Variants in KCNQ1 observed in about 807,000 individuals in gnomAD.
KCNQ1 encodes the protein potassium voltage-gated channel subfamily KQT member 1.
In KCNQ1, 49 loss-of-function variants were observed where a neutral mutation model predicts 72.4. The ratio of observed to expected loss-of-function variants is 0.68; its 90% CI spans 0.54 to 0.86. The LOEUF is 0.86. Among genes scored for constraint, KCNQ1 ranks in the 40% least tolerant of loss-of-function variants. The pLI is 0.00. For synonymous variants in KCNQ1, 450 were observed against 412.6 expected, an observed-to-expected ratio of 1.09 and a Z score of -1.10; for missense variants, 790 against 945.1, an observed-to-expected ratio of 0.84 and a Z score of 2.15.
At chr11:2,757,763 C>G (rs1271984285) in intron 11 of KCNQ1, among the ~76,000 whole-genome samples, 3 of 152,246 alleles carry the variant, frequency 2.0e-5, no homozygotes, top group South Asian at 4.1e-4. Context: ...CACACGCAAA[C>G]ATGCCTGACT....
chr11:2,614,523 T>C, intron 10 of KCNQ1: 1 of 398,516 alleles, frequency 2.5e-6, no homozygotes, highest in East Asian at 3.6e-5. Flanking sequence ...ACTCTTATTT[T>C]TTGGTCTCTG....
At chr11:2,709,446 G>A (rs112220213) in intron 11 of KCNQ1, among the ~76,000 whole-genome samples, 2,182 of 151,406 alleles carry the variant, frequency 0.014, 20 homozygotes, top group Middle Eastern at 0.031. Flanking sequence ...TGTATTTTTT[G>A]GTGTTCATTT....
intron 14 of KCNQ1, among the ~76,000 whole-genome samples, chr11:2,777,365 T>G (rs163147): frequency 0.17 from 25,651 of 150,686 alleles, 2,509 homozygotes; most frequent in Non-Finnish European, 0.22. Flanking sequence ...TTGGGTGGGG[T>G]GAGCTGCCAG....
At chr11:2,680,932 T>TA (rs1223943337) in intron 11 of KCNQ1, 2 of 398,518 alleles carry the variant, frequency 5.0e-6, no homozygotes, top group African/African-American at 4.1e-5. Flanking sequence ...TTTGTATTTT[T>TA]AAAGCTGATG....
At chr11:2,802,590 C>T (rs573802400) in intron 15 of KCNQ1, among the ~76,000 whole-genome samples, 1 of 152,170 alleles carries the variant, frequency 6.6e-6, no homozygotes, top group Admixed American at 6.5e-5. Context: ...CAGCCTAGTG[C>T]CTCCTGGGTC....
chr11:2,618,115 A>G (rs1389692635), intron 10 of KCNQ1: 1 of 398,374 alleles, frequency 2.5e-6, no homozygotes, highest in African/African-American at 2.1e-5. Context: ...AGCCATGTCG[A>G]GCTTTTCCCC....
Position 2,536,991 on chromosome 11 carries a change from C to A in KCNQ1, c.477+8973C>A, listed in dbSNP as rs1847743097. Among the ~76,000 whole-genome samples the A allele has an allele frequency of 6.6e-6, 1 of 151,986 alleles. No homozygotes were observed. Among genetic ancestry groups the A allele is most frequent in the South Asian group, 2.1e-4 (1 of 4,820 alleles). On this transcript the variant is annotated intron_variant, in intron 2 of 15. Coordinates refer to ENST00000155840, the MANE Select transcript of KCNQ1 (RefSeq NM_000218.3). The surrounding 1 kb of genome is among the most constrained non-coding windows in gnomAD (Gnocchi z 7.4). ...GTGTGAGTCTGGAGCCAAATTTCTC[C>A]TCTATGTAAGGACACCAGTCTTACT...
rs1005994118 is a variant in KCNQ1 at position 2,658,125 on chromosome 11, A to G, written c.1394-3836A>G. On this transcript the variant is annotated intron_variant, in intron 10 of 15. Transcript: ENST00000155840. This position sits in a 1 kb window ranked among gnomAD's most constrained non-coding sequence, Gnocchi z 4.9. The stretch of plus-strand genomic sequence containing the variant: ...AGGAGAGTATCAAAAAAAATCTGCA[A>G]ATATGTTAAAACTACCACAGCAATT... The G allele has an allele frequency of 2.5e-6, 1 of 398,492 alleles. No homozygotes were observed. The highest frequency in any genetic ancestry group is 2.1e-5 in the African/African-American group (1 of 48,628). 24.7% of individuals were successfully genotyped at this position (398,492 alleles called of 1,614,324 possible). A position where few individuals can be genotyped will look rare whatever the true frequency, so the allele number is the denominator to read the frequency against.
rs1470941395 is a variant in KCNQ1, at chr11:2,621,338, T to C, written c.1393+32484T>C. The C allele has an allele frequency of 1.0e-5, 4 of 398,644 alleles. No homozygotes were observed. The East Asian group carries it at 1.4e-4, about 14-fold the overall frequency. 24.7% of individuals were successfully genotyped at this position (398,644 alleles called of 1,614,324 possible). A position where few individuals can be genotyped will look rare whatever the true frequency, so the allele number is the denominator to read the frequency against. ...GAATGTTTTTTTGTTTGGCTACTTC[T>C]GTATTTTCTTTTAAGAAATGTATGT... On this transcript the variant is annotated intron_variant, in intron 10 of 15. Transcript: ENST00000155840. The surrounding 1 kb of genome is among the most constrained non-coding windows in gnomAD (Gnocchi z 5.7).
Position 2,621,904 on chromosome 11 carries a change from T to C in KCNQ1, c.1393+33050T>C, listed in dbSNP as rs1182215771. ...TGTTCTGATCTTTATTATTTCCTTC[T>C]GTTAACTTTGGCTTTAGTTTGTTCT... On this transcript the variant is annotated intron_variant, in intron 10 of 15. Transcript: ENST00000155840. This position sits in a 1 kb window ranked among gnomAD's most constrained non-coding sequence, Gnocchi z 5.7. 3.0e-5 allele frequency: 12 copies of C among 398,284 alleles called. No homozygotes were observed. Among genetic ancestry groups the C allele is most frequent in the African/African-American group, 4.1e-5 (2 of 48,626 alleles). 24.7% of individuals were successfully genotyped at this position (398,284 alleles called of 1,614,324 possible). A position where few individuals can be genotyped will look rare whatever the true frequency, so the allele number is the denominator to read the frequency against.
Position 2,646,437 on chromosome 11 carries a change from C to CT in KCNQ1, c.1394-15516dup, listed in dbSNP as rs1031412494. On this transcript the variant is annotated intron_variant, in intron 10 of 15. Coordinates refer to ENST00000155840, the MANE Select transcript of KCNQ1 (RefSeq NM_000218.3). ...CTTTCACCTCCTTGGTTAAGCTTTGCTTTTTTTTGTAGCTATTGCAAATGG... is the reference window on the plus strand; with the variant it reads ...CTTTCACCTCCTTGGTTAAGCTTTGCTTTTTTTTTGTAGCTATTGCAAATGG... The CT allele has an allele frequency of 1.1e-3, 429 of 398,306 alleles. 2 individuals carry two copies. The highest frequency in any genetic ancestry group is 1.7e-3 in the Non-Finnish European group (377 of 225,992). The allele number at this position is 398,306 out of a possible 1,614,324, so 24.7% of individuals were successfully genotyped here.
At chr11:2,700,294 C>T (rs1445125425) in intron 11 of KCNQ1, among the ~76,000 whole-genome samples, 1 of 152,258 alleles carries the variant, frequency 6.6e-6, no homozygotes, top group African/African-American at 2.4e-5. Context: ...CCACCGGGGG[C>T]CGGGGCCAGC....
rs767929610 is a variant in KCNQ1 at position 2,598,609 on chromosome 11, TA to T, written c.1393+9767del. 0.032 allele frequency among the ~76,000 whole-genome samples: 4,604 copies of T among 143,252 alleles called. 261 individuals carry two copies. The highest frequency in any genetic ancestry group is 0.11 in the African/African-American group (4,173 of 38,672). 94.0% of individuals were successfully genotyped at this position (143,252 alleles called of 152,430 possible). A position where few individuals can be genotyped will look rare whatever the true frequency, so the allele number is the denominator to read the frequency against. ...CATTTAGGTCTGCTCTGCCCTTAGT[TA>T]AAAAAAAAAAACCCTAATACATCTG... is the stretch of plus-strand genomic sequence containing the variant. On this transcript the variant is annotated intron_variant, in intron 10 of 15. Transcript: ENST00000155840. This position sits in a 1 kb window ranked among gnomAD's most constrained non-coding sequence, Gnocchi z 6.2.
In KCNQ1 at chr11:2,526,711, A is replaced by C. The variant is rs147097228; in HGVS notation, c.387-1217A>C. On this transcript the variant is annotated intron_variant, in intron 1 of 15. Coordinates refer to ENST00000155840, the MANE Select transcript of KCNQ1 (RefSeq NM_000218.3). This position sits in a 1 kb window ranked among gnomAD's most constrained non-coding sequence, Gnocchi z 6.1. ...GGGCTGTCCACATCTGGACAGGTGG[A>C]AGAGGATGGGTTCTGGGTGGGGCTG... 3.7e-3 allele frequency among the ~76,000 whole-genome samples: 564 copies of C among 151,810 alleles called. 7 individuals are homozygous for C. The Middle Eastern group carries it at 0.041, about 11-fold the overall frequency.
At position 2,674,814 on chromosome 11, in the gene KCNQ1, A is replaced by G; in HGVS notation, c.1514+12733A>G. 1 of 359,858 alleles carries G rather than the reference A, an allele frequency of 2.8e-6. No individual in the cohort carries two copies. The highest frequency in any genetic ancestry group is 1.6e-4 in the South Asian group (1 of 6,408). The allele number at this position is 359,858 out of a possible 1,614,324, so 22.3% of individuals were successfully genotyped here. On this transcript the variant is annotated intron_variant, in intron 11 of 15. Coordinates refer to ENST00000155840, the MANE Select transcript of KCNQ1 (RefSeq NM_000218.3). The surrounding 1 kb of genome is among the most constrained non-coding windows in gnomAD (Gnocchi z 5.9). The stretch of plus-strand genomic sequence containing the variant: ...CTGCTGGCCTTTGGAAAGGCTTGTC[A>G]CCCTAATAGCTGTTTTTTAAAAAAA...
chr11:2,652,483 A>G lies in KCNQ1; in HGVS notation c.1394-9478A>G. 2.5e-6 allele frequency: 1 copy of G among 398,252 alleles called. No individual in the cohort carries two copies. Among genetic ancestry groups the G allele is most frequent in the Non-Finnish European group, 4.4e-6 (1 of 225,978 alleles). 24.7% of individuals were successfully genotyped at this position (398,252 alleles called of 1,614,324 possible). ...AAGACCTCCAGAAACTTTCCTCCCC[A>G]CCTCTCCAGAGGTTTCTGGGGAATG... On this transcript the variant is annotated intron_variant, in intron 10 of 15. Transcript: ENST00000155840. The surrounding 1 kb of genome is among the most constrained non-coding windows in gnomAD (Gnocchi z 5.9).
chr11:2,838,311 A>G (rs234869), intron 15 of KCNQ1, among the ~76,000 whole-genome samples: 69,234 of 152,000 alleles, frequency 0.46, 16,952 homozygotes, highest in South Asian at 0.59. Flanking sequence ...ATGCAGAAAG[A>G]AGGAAGCAGG....
At position 2,787,960 on chromosome 11, in the gene KCNQ1, G is replaced by A. The variant is rs1846943370; in HGVS notation, c.1794+9923G>A. 6.6e-6 allele frequency among the ~76,000 whole-genome samples: 1 copy of A among 152,178 alleles called. No individual in the cohort carries two copies. The highest frequency in any genetic ancestry group is 2.4e-5 in the African/African-American group (1 of 41,436). On this transcript the variant is annotated intron_variant, in intron 15 of 15. Transcript: ENST00000155840. The surrounding 1 kb of genome is among the most constrained non-coding windows in gnomAD (Gnocchi z 6.3). ...CTGTGCCACACAGATTCAGCTATGGGACAGCGCTGCTTTGGACGGGCATGG... is the reference window on the plus strand; with the variant it reads ...CTGTGCCACACAGATTCAGCTATGGAACAGCGCTGCTTTGGACGGGCATGG...
intron 15 of KCNQ1, among the ~76,000 whole-genome samples, chr11:2,837,383 G>A (rs1848092508): frequency 6.6e-6 from 1 of 152,098 alleles, no homozygotes; most frequent in Admixed American, 6.5e-5. Context: ...GCCCAGGAGA[G>A]CCCGCTCCGC....
Sources: gnomAD v4.1 joint callset for allele counts (sites outside exome capture counted in the v4.1 genomes callset) on GRCh38, gnomAD v4.1.1 for gene constraint, Gnocchi (gnomAD v3.1) non-coding constraint, MANE v1.5 for transcripts, NCBI Gene and HGNC (gene_info 2026-07-23, HGNC 2026-07-21) for gene names.